The following WDR36 variants were observed in gnomAD, a reference collection of about 807,000 sequenced individuals.
WDR36 encodes WD repeat-containing protein 36.
WDR36 carries 63 observed loss-of-function variants against 112.7 expected under a neutral mutation model. That is an observed-to-expected ratio of 0.56 (90% CI 0.46 to 0.69). WDR36 has a LOEUF of 0.69. WDR36 is among the 30% of genes least tolerant of loss of function. The pLI is 0.00. For missense variants in WDR36, 1,226 were observed against 1,070.3 expected (o/e 1.15, Z -2.03); for synonymous variants, 410 against 362.2 (o/e 1.13, Z -1.50).
rs1753556074 is a variant in WDR36, at chr5:111,121,068, A to G, written c.2075A>G (p.Asn692Ser). 1 of 1,613,552 alleles carries G rather than the reference A, an allele frequency of 6.2e-7. No individual in the cohort carries two copies. The highest frequency in any genetic ancestry group is 8.5e-7 in the Non-Finnish European group (1 of 1,179,690). Residue 692 changes from asparagine (N) to serine (S), a missense_variant, in exon 19 of 23, where the codon AAT becomes AGT. Transcript: ENST00000513710. Reference sequence around the variant, plus strand: ...GAATATGATTCGCCAGAACAGTTGAATGAGCAATTGGTGACTCTTTCACTT... The same window carrying G: ...GAATATGATTCGCCAGAACAGTTGAGTGAGCAATTGGTGACTCTTTCACTT... ...LIEYDSPEQLNEQLVTLSLLP... is the reference protein window; with the variant it reads ...LIEYDSPEQLSEQLVTLSLLP...
chr5:111,093,564 G>A (rs774892925), intron 1 of WDR36, among the ~76,000 whole-genome samples: 1 of 152,176 alleles, frequency 6.6e-6, no homozygotes, highest in Non-Finnish European at 1.5e-5. Context: ...GACAGGGTGG[G>A]TTAGAACCAT....
At chr5:111,094,839 G>T in intron 1 of WDR36, 81 bp from the exon 2 acceptor site, 2 of 1,149,908 alleles carry the variant, frequency 1.7e-6, no homozygotes, top group Non-Finnish European at 2.6e-6. Flanking sequence ...TACGTATGAG[G>T]TTATATCTTA....
rs763433226 is a variant in WDR36, at chr5:111,097,155, C to G, written c.267C>G (p.Phe89Leu). 1 of 1,613,452 alleles carries G rather than the reference C, an allele frequency of 6.2e-7. No individual in the cohort carries two copies. Among genetic ancestry groups the G allele is most frequent in the Admixed American group, 1.7e-5 (1 of 60,010 alleles). Residue 89 changes from phenylalanine to leucine, a missense_variant, in exon 3 of 23, where the codon TTC becomes TTG. By Grantham distance (22) the Phe-to-Leu change is conservative. Transcript: ENST00000513710. ...RLVFAAYGNV[F>L]SAFARNKEIV... ...TCTTTGCTGCTTATGGAAATGTTTT[C>G]TCTGCATTTGCCCGTAATAAAGAGG...
In WDR36 at chr5:111,107,341, G is replaced by C. The variant is rs539805126; in HGVS notation, c.1228G>C (p.Gly410Arg). 2 of 1,610,470 alleles carry C rather than the reference G, an allele frequency of 1.2e-6. No individual in the cohort carries two copies. Among genetic ancestry groups the C allele is most frequent in the South Asian group, 1.1e-5 (1 of 90,980 alleles). Residue 410 changes from glycine to arginine, a missense_variant, in exon 12 of 23, where the codon GGT becomes CGT. By Grantham distance (125) the Gly-to-Arg change is moderately radical. Coordinates refer to ENST00000513710, the MANE Select transcript of WDR36 (RefSeq NM_139281.3). ...DWDGIIACHQ[G>R]KLSCSTWNYQ... ...GGATGGTATCATTGCTTGCCATCAAGGTAAGCTATCTTGCTCAACCTGGAA... is the reference window on the plus strand; with the variant it reads ...GGATGGTATCATTGCTTGCCATCAACGTAAGCTATCTTGCTCAACCTGGAA...
At position 111,107,287 on chromosome 5, in the gene WDR36, G is replaced by A. The variant is rs755223978; in HGVS notation, c.1181-7G>A. 17 of 1,608,444 alleles carry A rather than the reference G, an allele frequency of 1.1e-5. No individual in the cohort carries two copies. Among genetic ancestry groups the A allele is most frequent in the Middle Eastern group, 1.7e-4 (1 of 6,050 alleles). On this transcript the variant is annotated splice_polypyrimidine_tract_variant and splice_region_variant and intron_variant, in intron 11 of 22. Coordinates refer to ENST00000513710, the MANE Select transcript of WDR36 (RefSeq NM_139281.3). The stretch of plus-strand genomic sequence containing the variant: ...TAATTTGATTTATGATTTTCATTAC[G>A]TTTTAGAGGAAGCTCGTGAAAGTGA...
chr5:111,109,392 A>G (rs540293243), intron 12 of WDR36, among the ~76,000 whole-genome samples: 1 of 151,342 alleles, frequency 6.6e-6, no homozygotes, highest in Non-Finnish European at 1.5e-5. Flanking sequence ...TATGTGATGC[A>G]ATGTAAATAT....
intron 5 of WDR36, 34 bp downstream of exon 5, chr5:111,100,755 C>T: frequency 2.5e-6 from 4 of 1,588,336 alleles, no homozygotes; most frequent in Non-Finnish European, 1.7e-6. Context: ...ATATAGCTGT[C>T]ACCTTATCCT....
intron 3 of WDR36, among the ~76,000 whole-genome samples, 169 bp downstream of exon 3, chr5:111,097,348 C>G (rs1345787831): frequency 2.6e-5 from 4 of 152,130 alleles, no homozygotes; most frequent in African/African-American, 9.7e-5. Flanking sequence ...TCAGAAAAGG[C>G]TTACTTAAAA....
In WDR36 at chr5:111,097,051, GT is replaced by G. The variant is rs1561700804; in HGVS notation, c.191-25del. The G allele has an allele frequency of 3.9e-6, 6 of 1,557,218 alleles. No homozygotes were observed. The African/African-American group carries it at 4.1e-5, about 11-fold the overall frequency. On this transcript the variant is annotated intron_variant, in intron 2 of 22. Transcript: ENST00000513710. Reference sequence around the variant, plus strand: ...TCTCTTTAACATCTTAAAAATCCCTGTTTCTTTCATTTTGTATTTTCTGCTA... The same window carrying G: ...TCTCTTTAACATCTTAAAAATCCCTGTTCTTTCATTTTGTATTTTCTGCTA...
chr5:111,112,575 CTAT>C (rs1383777169), intron 15 of WDR36, among the ~76,000 whole-genome samples: 4 of 151,892 alleles, frequency 2.6e-5, no homozygotes, highest in Admixed American at 2.6e-4. Flanking sequence ...GCAGAGAGAT[CTAT>C]TATTTATCCA....
At position 111,092,618 on chromosome 5, in the gene WDR36, C is replaced by A; in HGVS notation, c.162C>A (p.Asp54Glu). The part of the protein sequence containing the change: ...TCVGKSFHTY[D>E]VQKLSLVAVS... The stretch of plus-strand genomic sequence containing the variant: ...TGGGCAAGAGTTTCCACACCTATGA[C>A]GTGAGTGACTTCTTTTGTTAGCTTC... The change falls in exon 1 of 23, where the codon GAC (aspartate) becomes GAA (glutamate). Residue 54 changes from aspartate (D) to glutamate (E), a missense_variant and splice_region_variant. Transcript: ENST00000513710. The A allele has an allele frequency of 6.2e-7, 1 of 1,612,542 alleles. No individual in the cohort carries two copies. Among genetic ancestry groups the A allele is most frequent in the South Asian group, 1.1e-5 (1 of 90,978 alleles).
intron 7 of WDR36, 111 bp from the exon 8 acceptor site, chr5:111,104,066 G>A: frequency 3.6e-6 from 5 of 1,372,900 alleles, no homozygotes; most frequent in Non-Finnish European, 5.0e-6. Flanking sequence ...ATAGATTATT[G>A]GTATATAGTT....
chr5:111,126,663 G>A, intron 22 of WDR36, 71 bp from the exon 23 acceptor site: 11 of 1,538,694 alleles, frequency 7.1e-6, no homozygotes, highest in Non-Finnish European at 9.9e-6. Flanking sequence ...TTCCTTGGTA[G>A]AAAAATTGAA....
intron 16 of WDR36, among the ~76,000 whole-genome samples, chr5:111,114,792 C>G (rs1214156856): frequency 6.6e-6 from 1 of 152,100 alleles, no homozygotes; most frequent in Non-Finnish European, 1.5e-5. Context: ...ATTTGAATTG[C>G]TTTAAAATAA....
chr5:111,094,861 T>A (rs1687951033), intron 1 of WDR36, 59 bp from the exon 2 acceptor site: 7 of 1,362,354 alleles, frequency 5.1e-6, no homozygotes, highest in Admixed American at 3.8e-5. Context: ...TCTTCAGGTG[T>A]TAGGTTATTA....
rs143132955 is a variant in WDR36, at chr5:111,111,059, A to G, written c.1607+106A>G. 839 of 1,545,978 alleles carry G rather than the reference A, an allele frequency of 5.4e-4. 13 individuals are homozygous for G. The East Asian group carries it at 0.019, about 34-fold the overall frequency. On this transcript the variant is annotated intron_variant, in intron 14 of 22. Coordinates refer to ENST00000513710, the MANE Select transcript of WDR36 (RefSeq NM_139281.3). The stretch of plus-strand genomic sequence containing the variant: ...ATCAGACTCTTTAATAAAGAACAAC[A>G]TTTGGCTTAATTTCCCCCAAAGTGT...
chr5:111,124,145 C>A lies in WDR36; in HGVS notation c.2306C>A (p.Ser769Ter). The A allele has an allele frequency of 6.2e-7, 1 of 1,612,736 alleles. No homozygotes were observed. The highest frequency in any genetic ancestry group is 1.1e-5 in the South Asian group (1 of 90,940). ...VVNLGVLAQK[S>*]DFCLKLEEGL... is the part of the protein sequence containing the mutation. Reference sequence around the variant, plus strand: ...AATCTTGGAGTTTTGGCTCAAAAATCAGATTTCTGCTTGAAACTTGAAGAA... The same window carrying A: ...AATCTTGGAGTTTTGGCTCAAAAATAAGATTTCTGCTTGAAACTTGAAGAA... The change falls in exon 21 of 23, where the codon TCA becomes TAA. Residue 769 changes from serine (S) to a stop codon, truncating the protein, a stop_gained. Transcript: ENST00000513710. LOFTEE classifies it high-confidence loss of function.
At chr5:111,111,504 TTAACTC>T (rs1041778222) in intron 15 of WDR36, 58 of 460,946 alleles carry the variant, frequency 1.3e-4, no homozygotes, top group African/African-American at 1.1e-3. Context: ...TTTTTTTTCA[TTAACTC>T]TAAACAAGGC....
intron 15 of WDR36, 26 bp from the exon 16 acceptor site, chr5:111,113,048 A>ATATATC: frequency 2.2e-6 from 1 of 458,076 alleles, no homozygotes; most frequent in Non-Finnish European, 3.1e-6. Flanking sequence ...ATATATATAT[A>ATATATC]TATATTTTTT....
Sources: gnomAD v4.1 joint callset for allele counts (sites outside exome capture counted in the v4.1 genomes callset) on GRCh38, gnomAD v4.1.1 for gene constraint, MANE v1.5 for transcripts, NCBI Gene and HGNC (gene_info 2026-07-23, HGNC 2026-07-21) for gene names.